ZNF536: variants seen among roughly 807,000 people sequenced by gnomAD.
ZNF536 encodes the protein zinc finger protein 536.
ZNF536 carries 13 observed loss-of-function variants against 84.5 expected under a neutral mutation model. The observed-to-expected ratio is 0.15, with a 90% CI of 0.10 to 0.24. The LOEUF is 0.24. ZNF536 is among the 10% of genes least tolerant of loss of function. The probability of loss-of-function intolerance (pLI) is 1.00; values close to 1 mark genes in which losing one functional copy is unlikely to be tolerated. For missense variants in ZNF536, 1,536 were observed against 1,747.5 expected (o/e 0.88, Z 2.16); for synonymous variants, 811 against 742.5 (o/e 1.09, Z -1.50).
chr19:30,249,221 C>T (rs2024465409), intron 1 of ZNF536, among the ~76,000 whole-genome samples: 1 of 152,170 alleles, frequency 6.6e-6, no homozygotes. Flanking sequence ...ACTATTTATC[C>T]AGTGCCTAGC....
intron 1 of ZNF536, among the ~76,000 whole-genome samples, chr19:30,238,670 C>G (rs149680909): frequency 1.3e-3 from 195 of 152,132 alleles, no homozygotes; most frequent in African/African-American, 4.5e-3. Context: ...GTCTCTCTAT[C>G]TATCTGTCTG....
At chr19:30,355,820 C>T (rs922212314) in intron 3 of ZNF536, among the ~76,000 whole-genome samples, 13 of 152,234 alleles carry the variant, frequency 8.5e-5, no homozygotes, top group Non-Finnish European at 1.3e-4. Flanking sequence ...ATCTAGGTTG[C>T]GTGCTCCTTA....
intron 1 of ZNF536, among the ~76,000 whole-genome samples, chr19:30,630,223 A>G (rs1197401082): frequency 1.3e-5 from 2 of 152,192 alleles, no homozygotes; most frequent in Admixed American, 6.5e-5. Flanking sequence ...TCATTCGTTC[A>G]TTTATTCATT....
chr19:30,676,172 T>C (rs2050748465), intron 1 of ZNF536, among the ~76,000 whole-genome samples: 1 of 152,202 alleles, frequency 6.6e-6, no homozygotes, highest in Non-Finnish European at 1.5e-5. Flanking sequence ...GCACTTTTGT[T>C]TTTAAACTTC....
chr19:30,538,901 C>T (rs181868905), intron 3 of ZNF536, among the ~76,000 whole-genome samples: 18 of 152,066 alleles, frequency 1.2e-4, no homozygotes, highest in Non-Finnish European at 4.4e-5. Context: ...TCCAGAGAAA[C>T]AGCACCGATA....
chr19:30,504,066 AAAT>A (rs1415378672), intron 2 of ZNF536, among the ~76,000 whole-genome samples: 2 of 152,184 alleles, frequency 1.3e-5, no homozygotes, highest in Non-Finnish European at 1.5e-5. Context: ...TCAATAAAGA[AAAT>A]AATACCACAA....
intron 1 of ZNF536, among the ~76,000 whole-genome samples, chr19:30,695,279 G>A (rs1351871543): frequency 2.0e-5 from 3 of 152,180 alleles, no homozygotes; most frequent in African/African-American, 7.2e-5. Context: ...TGCATAGCAA[G>A]GTGGGGACTC....
At chr19:30,580,387 C>A (rs1271547685) in intron 1 of ZNF536, among the ~76,000 whole-genome samples, 3 of 152,198 alleles carry the variant, frequency 2.0e-5, no homozygotes, top group Non-Finnish European at 4.4e-5. Flanking sequence ...TCTTTCAAGG[C>A]ACTGGCATCC....
Position 30,444,126 on chromosome 19 carries a change from G to A in ZNF536, c.564G>A (p.Gly188=), listed in dbSNP as rs754333227. ...ACAAGCTGGGCAACCTGGGCAAGGG[G>A]CGTGGGCGTGTGCGCGAGGAGAACC... is the stretch of plus-strand genomic sequence containing the variant. ...RTHKLGNLGK[G]RGRVREENRL... is the part of the protein sequence containing the mutation. Residue 188 remains glycine, a synonymous_variant, in exon 2 of 5, where the codon GGG becomes GGA. Coordinates refer to ENST00000355537, the MANE Select transcript of ZNF536 (RefSeq NM_014717.3). 2.5e-6 allele frequency: 4 copies of A among 1,609,980 alleles called. No individual in the cohort carries two copies. The highest frequency in any genetic ancestry group is 2.2e-5 in the East Asian group (1 of 44,766).
chr19:30,383,982 G>A (rs62101919), intron 1 of ZNF536, among the ~76,000 whole-genome samples: 42,233 of 81,950 alleles, frequency 0.52, 11,939 homozygotes, highest in Non-Finnish European at 0.63. Flanking sequence ...CTTCCACTCT[G>A]CCAGCTGGAT....
chr19:30,609,184 G>A (rs542485305), intron 1 of ZNF536, among the ~76,000 whole-genome samples: 17 of 152,272 alleles, frequency 1.1e-4, no homozygotes, highest in African/African-American at 4.1e-4. Flanking sequence ...AATTAAGAAT[G>A]CTCACAAATA....
At chr19:30,345,701 C>T (rs1363213072) in intron 2 of ZNF536, among the ~76,000 whole-genome samples, 5 of 152,164 alleles carry the variant, frequency 3.3e-5, no homozygotes, top group Non-Finnish European at 2.9e-5. Flanking sequence ...CAGAGAGTCT[C>T]GGATGCTTAG....
chr19:30,366,451 TTCTCCTTC>T (rs1302882882), intron 3 of ZNF536, among the ~76,000 whole-genome samples: 1 of 151,896 alleles, frequency 6.6e-6, no homozygotes, highest in Non-Finnish European at 1.5e-5. Context: ...ATTTCTTCCT[TTCTCCTTC>T]TCTCCTTCCC....
At chr19:30,271,294 C>CTTTTTTTTTTTTTTTTT (rs879683203) in intron 1 of ZNF536, among the ~76,000 whole-genome samples, 10 of 103,184 alleles carry the variant, frequency 9.7e-5, no homozygotes, top group South Asian at 3.2e-4. Flanking sequence ...GTGTTTTTTT[C>CTTTTTTTTTTTTTTTTT]TTTTCTTTTT....
chr19:30,659,990 T>TG (rs2050067631), intron 1 of ZNF536, among the ~76,000 whole-genome samples: 1 of 152,200 alleles, frequency 6.6e-6, no homozygotes, highest in Non-Finnish European at 1.5e-5. Context: ...TGTTTGTATG[T>TG]GTTTATCCTC....
downstream of ZNF536, among the ~76,000 whole-genome samples, chr19:30,561,588 A>C (rs1181679718): frequency 2.0e-5 from 3 of 152,164 alleles, no homozygotes; most frequent in Non-Finnish European, 1.5e-5. Flanking sequence ...GTAAATCAAC[A>C]AGCACAGGTG....
chr19:30,536,076 AGTCATCTCAG>A (rs760468553), intron 3 of ZNF536, among the ~76,000 whole-genome samples: 79 of 152,184 alleles, frequency 5.2e-4, no homozygotes, highest in Middle Eastern at 3.4e-3. Context: ...CCTCTCTTGG[AGTCATCTCAG>A]GCCAAAGAGG....
At chr19:30,303,103 T>C (rs905338545) in intron 2 of ZNF536, among the ~76,000 whole-genome samples, 2 of 152,188 alleles carry the variant, frequency 1.3e-5, no homozygotes, top group Non-Finnish European at 2.9e-5. Flanking sequence ...TCATCTCCAT[T>C]TGGCATTTTG....
chr19:30,560,058 T>C (rs2146411234), downstream of ZNF536, among the ~76,000 whole-genome samples: 1 of 152,166 alleles, frequency 6.6e-6, no homozygotes, highest in Non-Finnish European at 1.5e-5. Context: ...CTCCTCCTCA[T>C]CATCCCCATC....
Sources: gnomAD v4.1 joint callset for allele counts (sites outside exome capture counted in the v4.1 genomes callset) on GRCh38, gnomAD v4.1.1 for gene constraint, MANE v1.5 for transcripts, NCBI Gene and HGNC (gene_info 2026-07-23, HGNC 2026-07-21) for gene names.